ACSBG1: variants seen among roughly 807,000 people sequenced by gnomAD.
ACSBG1 encodes the protein long-chain-fatty-acid--CoA ligase ACSBG1.
A neutral mutation model predicts 80.2 loss-of-function variants in ACSBG1; 39 were observed. That is an observed-to-expected ratio of 0.49 (90% CI 0.38 to 0.64). The LOEUF is 0.64. Among genes scored for constraint, ACSBG1 ranks in the 30% least tolerant of loss-of-function variants. ACSBG1 has a pLI of 0.00. For missense variants in ACSBG1, 828 were observed against 966.4 expected, an observed-to-expected ratio of 0.86 and a Z score of 1.90; for synonymous variants, 392 against 379.5, an observed-to-expected ratio of 1.03 and a Z score of -0.38.
rs1165394646 is a variant in ACSBG1, at chr15:78,193,988, G to C, written c.486C>G (p.Ile162Met). Residue 162 changes from isoleucine to methionine, a missense_variant, in exon 4 of 14, where the codon ATC becomes ATG. Ile to Met is a conservative substitution (Grantham distance 10, BLOSUM62 1). Coordinates refer to ENST00000258873, the MANE Select transcript of ACSBG1 (RefSeq NM_015162.5). ...LGLKQAHSVA[I>M]LGFNSPEWFF... Reference sequence around the variant, plus strand: ...ACCACTCCGGGGAGTTGAAGCCGAGGATGGCCACACTGTGGGCCTGCTTCA... The same window carrying C: ...ACCACTCCGGGGAGTTGAAGCCGAGCATGGCCACACTGTGGGCCTGCTTCA... 1 of 1,614,030 alleles carries C rather than the reference G, an allele frequency of 6.2e-7. No individual in the cohort carries two copies. The highest frequency in any genetic ancestry group is 1.7e-5 in the Admixed American group (1 of 60,032).
chr15:78,221,929 G>A (rs796309016), intron 1 of ACSBG1, among the ~76,000 whole-genome samples: 83 of 152,318 alleles, frequency 5.4e-4, no homozygotes, highest in African/African-American at 2.0e-3. Context: ...CAGATTAACA[G>A]CATCTCAAAG....
intron 11 of ACSBG1, among the ~76,000 whole-genome samples, chr15:78,176,543 GA>G (rs922786964): frequency 4.0e-5 from 6 of 151,116 alleles, no homozygotes; most frequent in Admixed American, 6.6e-5. Context: ...CATCTGAGCT[GA>G]AAAAAAAATT....
intron 5 of ACSBG1, among the ~76,000 whole-genome samples, chr15:78,185,988 A>C (rs2075000268): frequency 6.6e-6 from 1 of 152,220 alleles, no homozygotes; most frequent in Non-Finnish European, 1.5e-5. Context: ...TATTGCCATC[A>C]GACCTGTATT....
In ACSBG1 at chr15:78,234,518, C is replaced by T; in HGVS notation, c.-17G>A. 1 of 1,598,600 alleles carries T rather than the reference C, an allele frequency of 6.3e-7. No homozygotes were observed. ...GCGTGGCATCTGCCTCGGGCTTCCA[C>T]TGAAGACAGCTCAGTCACCCACTGA... On this transcript the variant is annotated 5_prime_UTR_variant, in exon 1 of 14. In the 5' UTR this introduces an upstream ATG that the reference lacks. Transcript: ENST00000258873.
At chr15:78,194,122 C>T in intron 3 of ACSBG1, 102 bp from the exon 4 acceptor site, 2 of 1,162,406 alleles carry the variant, frequency 1.7e-6, no homozygotes, top group Non-Finnish European at 2.5e-6. Context: ...CTGCAGGCTC[C>T]ACCCTCCCAG....
At position 78,178,221 on chromosome 15, in the gene ACSBG1, G is replaced by A. The variant is rs187675226; in HGVS notation, c.1702+393C>T. Among the ~76,000 whole-genome samples, 54 of 152,322 alleles carry A rather than the reference G, an allele frequency of 3.5e-4. No homozygotes were observed. The highest frequency in any genetic ancestry group is 1.2e-3 in the African/African-American group (51 of 41,574). ...TAAAGGCTCAAGACCAGCAGCTGGT[G>A]TAAACAGTGCTGGCAGTGGAATTCC... is the stretch of plus-strand genomic sequence containing the variant. On this transcript the variant is annotated intron_variant, in intron 11 of 13. Coordinates refer to ENST00000258873, the MANE Select transcript of ACSBG1 (RefSeq NM_015162.5). This position sits in a 1 kb window ranked among gnomAD's most constrained non-coding sequence, Gnocchi z 4.3.
intron 1 of ACSBG1, chr15:78,213,832 T>C (rs1278181666): frequency 6.6e-6 from 1 of 152,248 alleles, no homozygotes; most frequent in Non-Finnish European, 1.5e-5. Flanking sequence ...CTATGCCGAG[T>C]GCCTTGTGTT....
intron 5 of ACSBG1, among the ~76,000 whole-genome samples, chr15:78,192,245 A>T (rs1459632284): frequency 1.3e-5 from 2 of 151,898 alleles, no homozygotes; most frequent in African/African-American, 4.8e-5. Flanking sequence ...CTGGTCTAAG[A>T]GTTACCCTCA....
chr15:78,176,128 G>A (rs779743442), intron 11 of ACSBG1, among the ~76,000 whole-genome samples: 2 of 151,970 alleles, frequency 1.3e-5, no homozygotes, highest in Non-Finnish European at 1.5e-5. Flanking sequence ...GGCTGGTCTC[G>A]AATTCCTGAG....
chr15:78,210,042 C>T (rs530592628), intron 1 of ACSBG1, among the ~76,000 whole-genome samples: 11 of 152,192 alleles, frequency 7.2e-5, no homozygotes, highest in Non-Finnish European at 1.2e-4. Context: ...GCGTACTTAT[C>T]GTGATTAGAA....
rs1262104552 is a variant in ACSBG1 at position 78,196,179 on chromosome 15, T to A, written c.233-1453A>T. On this transcript the variant is annotated intron_variant, in intron 2 of 13. Coordinates refer to ENST00000258873, the MANE Select transcript of ACSBG1 (RefSeq NM_015162.5). ...GGATGGATGCCCATGCCACTGGCCA[T>A]GAGGGAGCCCTGAGCCTTCAGGTAG... Among the ~76,000 whole-genome samples, 86 of 152,216 alleles carry A rather than the reference T, an allele frequency of 5.6e-4. 2 individuals carry two copies. The highest frequency in any genetic ancestry group is 2.6e-4 in the Non-Finnish European group (18 of 68,026).
intron 1 of ACSBG1, among the ~76,000 whole-genome samples, chr15:78,211,725 T>C (rs1341715363): frequency 1.3e-5 from 2 of 152,154 alleles, no homozygotes; most frequent in Non-Finnish European, 2.9e-5. Flanking sequence ...TCTTGGTGGA[T>C]TGGTGTCTCC....
rs867769255 is a variant in ACSBG1, at chr15:78,177,176, G to C, written c.1702+1438C>G. Among the ~76,000 whole-genome samples, 2 of 152,122 alleles carry C rather than the reference G, an allele frequency of 1.3e-5. No homozygotes were observed. Among genetic ancestry groups the C allele is most frequent in the African/African-American group, 4.8e-5 (2 of 41,430 alleles). On this transcript the variant is annotated intron_variant, in intron 11 of 13. Transcript: ENST00000258873. This position sits in a 1 kb window ranked among gnomAD's most constrained non-coding sequence, Gnocchi z 4.1. Reference sequence around the variant, plus strand: ...ATGGAAATGAAAATGGCCAAGAATAGCCAAGGTCATCTTGAAGAAGAAGAA... The same window carrying C: ...ATGGAAATGAAAATGGCCAAGAATACCCAAGGTCATCTTGAAGAAGAAGAA...
chr15:78,212,669 G>A (rs979890778), intron 1 of ACSBG1: 62 of 450,580 alleles, frequency 1.4e-4, no homozygotes, highest in South Asian at 6.2e-4. Flanking sequence ...AACATGTCAC[G>A]GAGTCCCCCC....
intron 2 of ACSBG1, among the ~76,000 whole-genome samples, chr15:78,198,316 C>A (rs2075133430): frequency 6.6e-6 from 1 of 152,036 alleles, no homozygotes; most frequent in East Asian, 1.9e-4. Flanking sequence ...GCTGGGATTA[C>A]AGGCGTGAGC....
intron 11 of ACSBG1, 85 bp from the exon 12 acceptor site, chr15:78,174,609 G>A (rs897154239): frequency 2.7e-6 from 4 of 1,492,542 alleles, no homozygotes; most frequent in African/African-American, 1.4e-5. Context: ...ACCACAACCC[G>A]GAAGCCTCAG....
chr15:78,168,726 C>G lies in ACSBG1; in HGVS notation c.*2718G>C, dbSNP rs1325673071. 1.9e-6 allele frequency: 1 copy of G among 517,078 alleles called. No homozygotes were observed. The highest frequency in any genetic ancestry group is 3.5e-6 in the Non-Finnish European group (1 of 283,018). The allele number at this position is 517,078 out of a possible 1,614,324, so 32.0% of individuals were successfully genotyped here. A position where few individuals can be genotyped will look rare whatever the true frequency, so the allele number is the denominator to read the frequency against. On this transcript the variant is annotated 3_prime_UTR_variant, in exon 14 of 14. Coordinates refer to ENST00000258873, the MANE Select transcript of ACSBG1 (RefSeq NM_015162.5). ...ATTCTTTGCAGAGTGCTGTTGTATA[C>G]ACTATGAGATTGGATCCCGATCCTC...
At chr15:78,191,172 A>G (rs1325569761) in intron 5 of ACSBG1, among the ~76,000 whole-genome samples, 1 of 152,240 alleles carries the variant, frequency 6.6e-6, no homozygotes, top group Non-Finnish European at 1.5e-5. Flanking sequence ...AAGGAGGAAC[A>G]TTTCTTAATG....
At chr15:78,211,781 C>A (rs1215589888) in intron 1 of ACSBG1, among the ~76,000 whole-genome samples, 1 of 152,194 alleles carries the variant, frequency 6.6e-6, no homozygotes, top group Non-Finnish European at 1.5e-5. Flanking sequence ...ACCATTTGCA[C>A]ACAGAGCCTC....
Sources: allele counts gnomAD v4.1 joint callset (sites outside exome capture counted in the v4.1 genomes callset), GRCh38; gene constraint gnomAD v4.1.1; non-coding constraint Gnocchi (gnomAD v3.1); transcripts MANE v1.5; gene names NCBI Gene and HGNC (gene_info 2026-07-23, HGNC 2026-07-21).